The following JARID2 variants were observed in gnomAD, a reference collection of about 807,000 sequenced individuals.
JARID2 encodes the protein protein Jumonji.
In JARID2, 21 loss-of-function variants were observed where a neutral mutation model predicts 125.6. That is an observed-to-expected ratio of 0.17 (90% CI 0.12 to 0.24). JARID2 has a LOEUF of 0.24. JARID2 is among the 10% of genes least tolerant of loss of function. The pLI, the probability that JARID2 is intolerant of heterozygous loss-of-function variation, is 1.00. For missense variants in JARID2, 1,303 were observed against 1,639.6 expected, an observed-to-expected ratio of 0.79 and a Z score of 3.55; for synonymous variants, 736 against 661.6, an observed-to-expected ratio of 1.11 and a Z score of -1.73.
At chr6:15,425,542 G>A (rs892669048) in intron 3 of JARID2, among the ~76,000 whole-genome samples, 2 of 152,076 alleles carry the variant, frequency 1.3e-5, no homozygotes, top group Admixed American at 6.5e-5. Context: ...TACCTTTATC[G>A]TGGGAGTGGA....
chr6:15,403,661 T>A lies in JARID2; in HGVS notation c.182-6563T>A, dbSNP rs62395388. On this transcript the variant is annotated intron_variant, in intron 2 of 17. Coordinates refer to ENST00000341776, the MANE Select transcript of JARID2 (RefSeq NM_004973.4). ...TTCCATGTTAATAATGAACACTGTG[T>A]CAGGTCTTAGTATCTAACGCTTTCT... Among the ~76,000 whole-genome samples, 907 of 152,322 alleles carry A rather than the reference T, an allele frequency of 6.0e-3. 3 individuals carry two copies. The highest frequency in any genetic ancestry group is 9.6e-3 in the Non-Finnish European group (651 of 68,012).
intron 3 of JARID2, among the ~76,000 whole-genome samples, chr6:15,444,488 C>A (rs1767580685): frequency 6.6e-6 from 1 of 152,108 alleles, no homozygotes; most frequent in African/African-American, 2.4e-5. Flanking sequence ...CCCGACCCCC[C>A]ACAACCTCCA....
intron 1 of JARID2, among the ~76,000 whole-genome samples, chr6:15,362,150 A>T (rs1484587809): frequency 1.3e-5 from 2 of 152,028 alleles, no homozygotes; most frequent in East Asian, 3.9e-4. Context: ...CGCCTCCCAA[A>T]GTGCTGGAAT....
Position 15,478,159 on chromosome 6 carries a change from G to A in JARID2, c.671-9148G>A, listed in dbSNP as rs573344186. Among the ~76,000 whole-genome samples the A allele has an allele frequency of 2.3e-3, 355 of 152,302 alleles. 1 individual carries two copies. Among genetic ancestry groups the A allele is most frequent in the Admixed American group, 4.4e-3 (67 of 15,288 alleles). On this transcript the variant is annotated intron_variant, in intron 5 of 17. Transcript: ENST00000341776. ...CCATGAGTTTGGTGTTGTTACCTTC[G>A]TAACTCTTTCTGTGACAGGCAGCTA...
At chr6:15,271,309 T>C (rs1246177300) in intron 1 of JARID2, among the ~76,000 whole-genome samples, 1 of 152,184 alleles carries the variant, frequency 6.6e-6, no homozygotes, top group East Asian at 1.9e-4. Flanking sequence ...TCAGCAGGAC[T>C]GAAGTGGGGC....
At chr6:15,451,766 CAT>C (rs1183666780) in intron 3 of JARID2, among the ~76,000 whole-genome samples, 1 of 152,186 alleles carries the variant, frequency 6.6e-6, no homozygotes, top group African/African-American at 2.4e-5. Context: ...CATGTATACA[CAT>C]GTCCATGACA....
At chr6:15,304,303 T>TCCCCCCCCCCCCCCCCCCCCCCCCCCC (rs61333394) in intron 1 of JARID2, among the ~76,000 whole-genome samples, 2 of 26,750 alleles carry the variant, frequency 7.5e-5, no homozygotes, top group African/African-American at 1.3e-4. Flanking sequence ...AATTTGCTGA[T>TCCCCCCCCCCCCCCCCCCCCCCCCCCC]CCCCCCCCCC....
intron 2 of JARID2, among the ~76,000 whole-genome samples, chr6:15,391,045 A>G (rs1764980396): frequency 6.6e-6 from 1 of 152,202 alleles, no homozygotes; most frequent in African/African-American, 2.4e-5. Flanking sequence ...AAGGGCGATC[A>G]TTATTGAGGT....
At chr6:15,253,507 T>C (rs1759535258) in intron 1 of JARID2, among the ~76,000 whole-genome samples, 1 of 152,226 alleles carries the variant, frequency 6.6e-6, no homozygotes, top group African/African-American at 2.4e-5. Flanking sequence ...TTGTCTTTCT[T>C]GCTCTCTTAG....
chr6:15,277,450 G>A (rs1760569783), intron 1 of JARID2, among the ~76,000 whole-genome samples: 2 of 152,096 alleles, frequency 1.3e-5, no homozygotes, highest in South Asian at 2.1e-4. Context: ...TTTAATAATG[G>A]CATGATACCC....
chr6:15,515,056 TTTTG>T (rs1449281729), intron 16 of JARID2, among the ~76,000 whole-genome samples: 1 of 151,858 alleles, frequency 6.6e-6, no homozygotes, highest in Non-Finnish European at 1.5e-5. Context: ...TCTTTTTTTT[TTTTG>T]TTTGTTTGAG....
In JARID2 at chr6:15,511,323, C is replaced by G. The variant is rs1361302063; in HGVS notation, c.2874C>G (p.Asn958Lys). 2 of 1,613,932 alleles carry G rather than the reference C, an allele frequency of 1.2e-6. No individual in the cohort carries two copies. The highest frequency in any genetic ancestry group is 1.1e-5 in the South Asian group (1 of 91,080). The change falls in exon 13 of 18, where the codon AAC becomes AAG. Residue 958 changes from asparagine (N) to lysine (K), a missense_variant. Transcript: ENST00000341776. Reference protein sequence around the residue: ...IWYCIPAEEENKLEDVVHTLL... With the variant: ...IWYCIPAEEEKKLEDVVHTLL... The stretch of plus-strand genomic sequence containing the variant: ...ATTGCATTCCTGCTGAGGAGGAGAA[C>G]AAGCTGGAAGATGTGGTCCACACCC...
chr6:15,486,806 C>CTTTT (rs56268949), intron 5 of JARID2, among the ~76,000 whole-genome samples: 20,648 of 99,928 alleles, frequency 0.21, 3,158 homozygotes, highest in South Asian at 0.32. Context: ...TGAGAATAGA[C>CTTTT]TTTTTTTTTT....
intron 2 of JARID2, among the ~76,000 whole-genome samples, chr6:15,375,360 C>G (rs1764313563): frequency 6.6e-6 from 1 of 152,192 alleles, no homozygotes; most frequent in Non-Finnish European, 1.5e-5. Context: ...CCCGGGTTTT[C>G]TTTCTTATGG....
At chr6:15,341,444 G>GC (rs1763068372) in intron 1 of JARID2, among the ~76,000 whole-genome samples, 2 of 152,178 alleles carry the variant, frequency 1.3e-5, no homozygotes, top group South Asian at 4.1e-4. Context: ...TCTAGGGCAG[G>GC]CCCCAGCCTC....
At position 15,248,848 on chromosome 6, in the gene JARID2, G is replaced by A. The variant is rs1007655877; in HGVS notation, c.45+2264G>A. ...GCGCGGCGGGGCGGCGGGGGGAGGA[G>A]GGAGCTGGGCGGGGGCGGGGGCTGC... On this transcript the variant is annotated intron_variant, in intron 1 of 17. Coordinates refer to ENST00000341776, the MANE Select transcript of JARID2 (RefSeq NM_004973.4). 5.8e-4 allele frequency: 550 copies of A among 943,124 alleles called. 2 individuals are homozygous for A. The highest frequency in any genetic ancestry group is 7.4e-4 in the Admixed American group (12 of 16,222). 58.4% of individuals were successfully genotyped at this position (943,124 alleles called of 1,614,324 possible). A position where few individuals can be genotyped will look rare whatever the true frequency, so the allele number is the denominator to read the frequency against.
intron 3 of JARID2, among the ~76,000 whole-genome samples, chr6:15,438,339 C>T (rs1767301408): frequency 6.6e-6 from 1 of 152,154 alleles, no homozygotes; most frequent in Non-Finnish European, 1.5e-5. Flanking sequence ...CATCCCCCCT[C>T]CCAGTGCCTG....
intron 2 of JARID2, among the ~76,000 whole-genome samples, chr6:15,389,637 C>CT (rs1396009958): frequency 6.6e-6 from 1 of 152,182 alleles, no homozygotes; most frequent in African/African-American, 2.4e-5. Flanking sequence ...AAAGGGTGAG[C>CT]TGGAAGGCTC....
intron 1 of JARID2, among the ~76,000 whole-genome samples, chr6:15,249,936 T>G: frequency 6.6e-6 from 1 of 152,216 alleles, no homozygotes; most frequent in East Asian, 1.9e-4. Context: ...AGTTGCATGT[T>G]TTGCTCTAGA....
Sources: allele counts gnomAD v4.1 joint callset (sites outside exome capture counted in the v4.1 genomes callset), GRCh38; gene constraint gnomAD v4.1.1; transcripts MANE v1.5; gene names NCBI Gene and HGNC (gene_info 2026-07-23, HGNC 2026-07-21).